The following MYO16 variants were observed in gnomAD, a reference collection of about 807,000 sequenced individuals.
The protein encoded by MYO16 is myosin XVI.
MYO16 carries 94 observed loss-of-function variants against 205.3 expected under a neutral mutation model. The ratio of observed to expected loss-of-function variants is 0.46; its 90% confidence interval spans 0.39 to 0.54. MYO16 has a LOEUF of 0.54. Ranked by LOEUF, MYO16 falls within the 20% of genes least tolerant of loss-of-function variation. MYO16 has a pLI of 0.00. For missense variants in MYO16, 2,315 were observed against 2,387.5 expected, an observed-to-expected ratio of 0.97 and a Z score of 0.63; for synonymous variants, 988 against 954.0, an observed-to-expected ratio of 1.04 and a Z score of -0.66.
the MYO16 span, among the ~76,000 whole-genome samples, chr13:108,551,502 T>G: frequency 1.9e-4 from 29 of 152,318 alleles, no homozygotes; most frequent in East Asian, 5.6e-3. Flanking sequence ...GCCTCTGGTT[T>G]AGCCTTCTTC....
In MYO16 at chr13:109,140,289, C is replaced by T. The variant is rs1410881006; in HGVS notation, c.4077C>T (p.Ser1359=). 21 of 1,600,778 alleles carry T rather than the reference C, an allele frequency of 1.3e-5. No individual in the cohort carries two copies. Among genetic ancestry groups the T allele is most frequent in the East Asian group, 2.2e-5 (1 of 44,726 alleles). ...CTCTGGCCCGGCCCAGACCGCACAG[C>T]GACGACTACAGCACCATGAAGAAGA... ...NEALARPRPH[S]DDYSTMKKIP... is the part of the protein sequence containing the mutation. Residue 1359 remains serine (S), a synonymous_variant, in exon 32 of 35, where the codon AGC becomes AGT. Coordinates refer to ENST00000457511, the MANE Select transcript of MYO16 (RefSeq NM_001198950.3). This position sits in a 1 kb window ranked among gnomAD's most constrained non-coding sequence, Gnocchi z 8.0.
chr13:108,645,381 T>TG (rs1730092473), intron 1 of MYO16, among the ~76,000 whole-genome samples: 1 of 152,198 alleles, frequency 6.6e-6, no homozygotes, highest in African/African-American at 2.4e-5. Context: ...CTACGATAGT[T>TG]TGCAGTGTCG....
chr13:108,867,185 A>G lies in MYO16; in HGVS notation c.1425+943A>G, dbSNP rs544938462. Among the ~76,000 whole-genome samples, 371 of 151,630 alleles carry G rather than the reference A, an allele frequency of 2.4e-3. 1 individual carries two copies. Among genetic ancestry groups the G allele is most frequent in the African/African-American group, 7.9e-3 (327 of 41,292 alleles). On this transcript the variant is annotated intron_variant, in intron 12 of 34. Transcript: ENST00000457511. ...ATAATGAGAGACCCATCTCTGCAAA[A>G]AACAAAACAAAACAAAACAAAACAA...
At chr13:109,158,585 C>T (rs954095346) in intron 32 of MYO16, among the ~76,000 whole-genome samples, 1 of 152,182 alleles carries the variant, frequency 6.6e-6, no homozygotes, top group African/African-American at 2.4e-5. Flanking sequence ...AGTGACCTCA[C>T]ACCTATTTCT....
intron 33 of MYO16, among the ~76,000 whole-genome samples, chr13:109,167,969 G>A (rs1421676826): frequency 2.0e-5 from 3 of 152,000 alleles, no homozygotes; most frequent in Non-Finnish European, 4.4e-5. Flanking sequence ...TAACTAAAAA[G>A]GCAGTAAAAT....
the MYO16 span, among the ~76,000 whole-genome samples, chr13:108,558,253 C>T: frequency 3.4e-4 from 52 of 152,140 alleles, no homozygotes; most frequent in African/African-American, 1.2e-3. Flanking sequence ...ACATGGAAGT[C>T]GAATTGGCTT....
At chr13:109,026,292 G>C (rs1418322894) in intron 23 of MYO16, among the ~76,000 whole-genome samples, 1 of 152,116 alleles carries the variant, frequency 6.6e-6, no homozygotes, top group Non-Finnish European at 1.5e-5. Context: ...GCTTATCTGG[G>C]TGGTCTCTAC....
At chr13:108,804,471 G>A (rs1887056077) in intron 6 of MYO16, among the ~76,000 whole-genome samples, 1 of 152,116 alleles carries the variant, frequency 6.6e-6, no homozygotes, top group Non-Finnish European at 1.5e-5. Context: ...ACAAGTAGTA[G>A]GAGTATAAAT....
chr13:108,859,038 C>G (rs1271838782), intron 11 of MYO16, among the ~76,000 whole-genome samples: 1 of 152,186 alleles, frequency 6.6e-6, no homozygotes, highest in Non-Finnish European at 1.5e-5. Context: ...AGCCCCCAGT[C>G]TATTTGAAAT....
chr13:108,815,469 G>T, intron 7 of MYO16, among the ~76,000 whole-genome samples: 1 of 152,130 alleles, frequency 6.6e-6, no homozygotes, highest in Non-Finnish European at 1.5e-5. Context: ...TCAGAGACAT[G>T]CAATATTGCT....
At chr13:108,692,653 T>C (rs961531712) in intron 2 of MYO16, among the ~76,000 whole-genome samples, 3 of 152,226 alleles carry the variant, frequency 2.0e-5, no homozygotes, top group Non-Finnish European at 4.4e-5. Context: ...ACGGCGCATA[T>C]CTTTCTACAT....
intron 1 of MYO16, among the ~76,000 whole-genome samples, chr13:108,662,303 G>A (rs1240787946): frequency 2.0e-5 from 3 of 152,230 alleles, no homozygotes; most frequent in African/African-American, 4.8e-5. Context: ...ATCAGCTGTA[G>A]TAGTGTGGAG....
intron 16 of MYO16, among the ~76,000 whole-genome samples, chr13:108,947,995 C>A (rs2139331892): frequency 6.6e-6 from 1 of 152,296 alleles, no homozygotes; most frequent in Non-Finnish European, 1.5e-5. Context: ...TTAATACTTT[C>A]CAGGTGGAGA....
intron 27 of MYO16, among the ~76,000 whole-genome samples, chr13:109,073,268 ATT>A (rs5806778): frequency 0.48 from 70,572 of 146,206 alleles, 16,926 homozygotes; most frequent in Middle Eastern, 0.53. Context: ...CTCCTGGCTA[ATT>A]TTTTTTTTTT....
chr13:108,956,346 T>G (rs1162750992), intron 16 of MYO16, among the ~76,000 whole-genome samples: 5 of 152,056 alleles, frequency 3.3e-5, no homozygotes, highest in Admixed American at 6.6e-5. Context: ...CGTCCTCTTC[T>G]TCACCACTGC....
At chr13:108,833,677 T>C (rs565146728) in intron 9 of MYO16, among the ~76,000 whole-genome samples, 56 of 152,328 alleles carry the variant, frequency 3.7e-4, no homozygotes, top group Admixed American at 6.5e-4. Context: ...TGTTTCCATT[T>C]TCAGAAATAA....
At chr13:108,888,335 C>G in intron 13 of MYO16, 37 bp from the exon 14 acceptor site, 1 of 1,431,056 alleles carries the variant, frequency 7.0e-7, no homozygotes, top group Non-Finnish European at 9.6e-7. Context: ...AAGCAAAGTT[C>G]CTTCAAACTT....
chr13:109,156,707 C>T (rs910701190), intron 32 of MYO16, among the ~76,000 whole-genome samples: 7 of 152,098 alleles, frequency 4.6e-5, no homozygotes, highest in Admixed American at 3.3e-4. Flanking sequence ...CGCTGTCAGC[C>T]GCCCTGCGTG....
intron 22 of MYO16, among the ~76,000 whole-genome samples, chr13:109,017,151 G>A (rs1170307651): frequency 6.6e-6 from 1 of 152,148 alleles, no homozygotes. Flanking sequence ...CTCTTGTAAG[G>A]CAGGCCTGGT....
Sources: allele counts gnomAD v4.1 joint callset (sites outside exome capture counted in the v4.1 genomes callset), GRCh38; gene constraint gnomAD v4.1.1; non-coding constraint Gnocchi (gnomAD v3.1); transcripts MANE v1.5; gene names NCBI Gene and HGNC (gene_info 2026-07-23, HGNC 2026-07-21).